Variants in PGLYRP1 observed in about 807,000 individuals in gnomAD.
The protein encoded by PGLYRP1 is TNF superfamily, member 3 (LTB)-like (peptidoglycan recognition protein).
Under a neutral mutation model 16.3 loss-of-function variants are expected in PGLYRP1, and 18 were observed. The ratio of observed to expected loss-of-function variants is 1.11; its 90% confidence interval spans 0.77 to 1.64. The LOEUF (loss-of-function observed/expected upper bound fraction) is 1.64, where lower values mean the gene tolerates loss of function less well. PGLYRP1 is among the 40% of genes most tolerant of loss of function. The pLI is 0.00. For missense variants in PGLYRP1, 261 were observed against 268.6 expected, an observed-to-expected ratio of 0.97 and a Z score of 0.20; for synonymous variants, 89 against 105.7, an observed-to-expected ratio of 0.84 and a Z score of 0.97.
At chr19:46,020,963 C>A (rs1459435655) in intron 1 of PGLYRP1, 5 of 152,618 alleles carry the variant, frequency 3.3e-5, no homozygotes, top group Non-Finnish European at 7.3e-5. Context: ...CGGAGCCTGG[C>A]ATGATGGTGC....
rs764683985 is a variant in PGLYRP1, at chr19:46,019,447, C to G, written c.410-28G>C. 3 of 1,612,236 alleles carry G rather than the reference C, an allele frequency of 1.9e-6. No homozygotes were observed. The South Asian group carries it at 3.3e-5, about 18-fold the overall frequency. Reference sequence around the variant, plus strand: ...GGAGGAGGCAGAGGTAGGAGTCAGGCAGGGGCTTCCCCGAAGGGGAAGTGA... The same window carrying G: ...GGAGGAGGCAGAGGTAGGAGTCAGGGAGGGGCTTCCCCGAAGGGGAAGTGA... On this transcript the variant is annotated intron_variant, in intron 2 of 2. Transcript: ENST00000008938. This position sits in a 1 kb window ranked among gnomAD's most constrained non-coding sequence, Gnocchi z 4.8.
intron 1 of PGLYRP1, among the ~76,000 whole-genome samples, chr19:46,022,445 G>A (rs1209531850): frequency 6.6e-6 from 1 of 152,252 alleles, no homozygotes; most frequent in Non-Finnish European, 1.5e-5. Flanking sequence ...ATAAGGCGTC[G>A]CGGACACCTT....
Position 46,022,923 on chromosome 19 carries a change from T to A in PGLYRP1, c.99A>T (p.Ile33=). The change falls in exon 1 of 3, where the codon ATA becomes ATT. Residue 33 remains isoleucine, a synonymous_variant. Transcript: ENST00000008938. ...ETEDPACCSP[I]VPRNEWKALA... ...GGGCCTTCCACTCGTTCCGGGGCAC[T>A]ATGGGGCTGCAGCAGGCCGGGTCTT... The A allele has an allele frequency of 6.2e-7, 1 of 1,611,468 alleles. No individual in the cohort carries two copies. The highest frequency in any genetic ancestry group is 8.5e-7 in the Non-Finnish European group (1 of 1,178,922).
In PGLYRP1 at chr19:46,022,729, A is replaced by G; in HGVS notation, c.287+6T>C. The G allele has an allele frequency of 6.2e-7, 1 of 1,613,852 alleles. No homozygotes were observed. The highest frequency in any genetic ancestry group is 8.5e-7 in the Non-Finnish European group (1 of 1,179,892). On this transcript the variant is annotated splice_donor_region_variant and intron_variant, in intron 1 of 2. Transcript: ENST00000008938. ...AGTCCAGCCCGTGCCCCCCTGCCAC[A>G]CTCACTTGTAGCCCACGTCGCACCA...
chr19:46,022,608 G>A (rs1969056892), intron 1 of PGLYRP1, 127 bp downstream of exon 1: 2 of 1,052,846 alleles, frequency 1.9e-6, no homozygotes. Flanking sequence ...GTGAGGTTCA[G>A]TAAGCTGCTC....
intron 1 of PGLYRP1, among the ~76,000 whole-genome samples, chr19:46,022,429 GCCTTCATAAGGCGTCGCGGACA>G (rs1166215022): frequency 6.6e-6 from 1 of 152,264 alleles, no homozygotes; most frequent in Non-Finnish European, 1.5e-5. Flanking sequence ...AGGAAGGGGC[GCCTTCATAAGGCGTCGCGGACA>G]CCTTGGTGTG....
At chr19:46,021,206 G>T (rs929712837) in intron 1 of PGLYRP1, 4 of 152,246 alleles carry the variant, frequency 2.6e-5, no homozygotes, top group Admixed American at 2.6e-4. Context: ...ATGTGGTGAT[G>T]TGGACCCGAG....
Position 46,022,716 on chromosome 19 carries a change from G to C in PGLYRP1, c.287+19C>G, listed in dbSNP as rs984553056. The C allele has an allele frequency of 1.2e-6, 2 of 1,613,194 alleles. No homozygotes were observed. Among genetic ancestry groups the C allele is most frequent in the South Asian group, 2.2e-5 (2 of 90,980 alleles). On this transcript the variant is annotated intron_variant, in intron 1 of 2. Coordinates refer to ENST00000008938, the MANE Select transcript of PGLYRP1 (RefSeq NM_005091.3). The stretch of plus-strand genomic sequence containing the variant: ...CTCTGGGATCCCCAGTCCAGCCCGT[G>C]CCCCCCTGCCACACTCACTTGTAGC...
In PGLYRP1 at chr19:46,022,931, T is replaced by A; in HGVS notation, c.91A>T (p.Ser31Cys). Residue 31 changes from serine to cysteine, a missense_variant, in exon 1 of 3, where the codon AGC becomes TGC. By Grantham distance (112) the Ser-to-Cys change is moderately radical. Coordinates refer to ENST00000008938, the MANE Select transcript of PGLYRP1 (RefSeq NM_005091.3). ...AQETEDPACC[S>C]PIVPRNEWKA... ...CACTCGTTCCGGGGCACTATGGGGC[T>A]GCAGCAGGCCGGGTCTTCTGTCTCC... The A allele has an allele frequency of 6.2e-7, 1 of 1,610,698 alleles. No homozygotes were observed.
intron 1 of PGLYRP1, among the ~76,000 whole-genome samples, chr19:46,021,939 A>G (rs1157109677): frequency 6.6e-6 from 1 of 151,976 alleles, no homozygotes; most frequent in Non-Finnish European, 1.5e-5. Context: ...GAGCCAAGGC[A>G]GCCACTCTCA....
At chr19:46,021,121 T>A (rs1349177212) in intron 1 of PGLYRP1, 4 of 152,030 alleles carry the variant, frequency 2.6e-5, no homozygotes, top group Non-Finnish European at 5.9e-5. Context: ...TGACGTGACA[T>A]GGAAAGGGGA....
At position 46,019,743 on chromosome 19, in the gene PGLYRP1, G is replaced by C; in HGVS notation, c.288-96C>G. 9.2e-6 allele frequency: 12 copies of C among 1,299,066 alleles called. No homozygotes were observed. Among genetic ancestry groups the C allele is most frequent in the Non-Finnish European group, 1.1e-5 (10 of 946,780 alleles). The allele number at this position is 1,299,066 out of a possible 1,614,324, so 80.5% of individuals were successfully genotyped here. On this transcript the variant is annotated intron_variant, in intron 1 of 2. Coordinates refer to ENST00000008938, the MANE Select transcript of PGLYRP1 (RefSeq NM_005091.3). This position sits in a 1 kb window ranked among gnomAD's most constrained non-coding sequence, Gnocchi z 4.8. ...CACTCACCCTGCCTCCGTTACTGCC[G>C]TGGTGCACACAACTTCCCCAGCATC...
At chr19:46,020,587 G>A (rs917699812) in intron 1 of PGLYRP1, among the ~76,000 whole-genome samples, 1 of 152,172 alleles carries the variant, frequency 6.6e-6, no homozygotes, top group African/African-American at 2.4e-5. Flanking sequence ...AGTTGGGGTC[G>A]TAACCAGATA....
Position 46,020,090 on chromosome 19 carries a change from C to T in PGLYRP1, c.288-443G>A, listed in dbSNP as rs545359515. Among the ~76,000 whole-genome samples the T allele has an allele frequency of 2.6e-5, 4 of 151,226 alleles. No individual in the cohort carries two copies. The South Asian group carries it at 8.3e-4, about 32-fold the overall frequency. On this transcript the variant is annotated intron_variant, in intron 1 of 2. Transcript: ENST00000008938. ...TTTTACTGAATCCTTGCAGGACAGCCCTCTGAGGCAGAGACTTTTTTTTTT... is the reference window on the plus strand; with the variant it reads ...TTTTACTGAATCCTTGCAGGACAGCTCTCTGAGGCAGAGACTTTTTTTTTT...
rs777957266 is a variant in PGLYRP1 at position 46,019,514 on chromosome 19, ACAGT to A, written c.409+8_409+11del. The A allele has an allele frequency of 6.2e-7, 1 of 1,613,788 alleles. No individual in the cohort carries two copies. Among genetic ancestry groups the A allele is most frequent in the Admixed American group, 1.7e-5 (1 of 59,986 alleles). On this transcript the variant is annotated splice_region_variant and intron_variant, in intron 2 of 2. Coordinates refer to ENST00000008938, the MANE Select transcript of PGLYRP1 (RefSeq NM_005091.3). This position sits in a 1 kb window ranked among gnomAD's most constrained non-coding sequence, Gnocchi z 4.8. ...GTCAGCCCCCATCCCAACTGGCTGG[ACAGT>A]CACTCACCCATGTAGTTGCCCATGA...
In PGLYRP1 at chr19:46,019,610, G is replaced by A. The variant is rs555905155; in HGVS notation, c.325C>T (p.Arg109Cys). Reference sequence around the variant, plus strand: ...TGGGCACCCGTGAAGTTCCAGCCACGGCCCTCGTATACGAGCCCGTCTTCT... The same window carrying A: ...TGGGCACCCGTGAAGTTCCAGCCACAGCCCTCGTATACGAGCCCGTCTTCT... ...IGEDGLVYEG[R>C]GWNFTGAHSG... Residue 109 changes from arginine (R) to cysteine (C), a missense_variant, in exon 2 of 3, where the codon CGT becomes TGT. Coordinates refer to ENST00000008938, the MANE Select transcript of PGLYRP1 (RefSeq NM_005091.3). The surrounding 1 kb of genome is among the most constrained non-coding windows in gnomAD (Gnocchi z 4.8). 8.7e-6 allele frequency: 14 copies of A among 1,613,908 alleles called. No homozygotes were observed. The South Asian group carries it at 8.8e-5, about 10-fold the overall frequency.
At position 46,022,045 on chromosome 19, in the gene PGLYRP1, G is replaced by A. The variant is rs188457257; in HGVS notation, c.287+690C>T. 5.1e-3 allele frequency among the ~76,000 whole-genome samples: 775 copies of A among 152,246 alleles called. 12 individuals are homozygous for A. Among genetic ancestry groups the A allele is most frequent in the African/African-American group, 0.018 (732 of 41,544 alleles). ...CCTCACCTCTTTCCTTTTATCCATC[G>A]CCTCTATCACCGTCTGAATTCACCT... On this transcript the variant is annotated intron_variant, in intron 1 of 2. Transcript: ENST00000008938.
chr19:46,019,338 T>C lies in PGLYRP1; in HGVS notation c.491A>G (p.Asn164Ser). ...ATCCCGGTGTCCTTTGAGCACATAG[T>C]TGGACCTCAGGGCTCCCTGAGCCAC... ...CGVAQGALRS[N>S]YVLKGHRDVQ... The change falls in exon 3 of 3, where the codon AAC (asparagine) becomes AGC (serine). Residue 164 changes from asparagine (N) to serine (S), a missense_variant. Asn to Ser is a conservative substitution (Grantham distance 46). Transcript: ENST00000008938. This position sits in a 1 kb window ranked among gnomAD's most constrained non-coding sequence, Gnocchi z 4.8. 6.2e-7 allele frequency: 1 copy of C among 1,613,726 alleles called. No homozygotes were observed. The highest frequency in any genetic ancestry group is 1.7e-5 in the Admixed American group (1 of 60,002).
intron 1 of PGLYRP1, 35 bp downstream of exon 1, chr19:46,022,700 C>T: frequency 6.2e-7 from 1 of 1,610,952 alleles, no homozygotes; most frequent in Non-Finnish European, 8.5e-7. Context: ...CCTCTGGGAT[C>T]CCCAGTCCAG....
Sources: gnomAD v4.1 joint callset for allele counts (sites outside exome capture counted in the v4.1 genomes callset) on GRCh38, gnomAD v4.1.1 for gene constraint, Gnocchi (gnomAD v3.1) non-coding constraint, MANE v1.5 for transcripts, NCBI Gene and HGNC (gene_info 2026-07-23, HGNC 2026-07-21) for gene names.